LDB3: variants seen among roughly 807,000 people sequenced by gnomAD.
The protein encoded by LDB3 is LIM domain binding 3.
In LDB3, 49 loss-of-function variants were observed where a neutral mutation model predicts 69.0. That is an observed-to-expected ratio of 0.71 (90% CI 0.56 to 0.90). The LOEUF (loss-of-function observed/expected upper bound fraction) is 0.90, where lower values mean the gene tolerates loss of function less well. LDB3 is among the 40% of genes least tolerant of loss of function. LDB3 has a pLI of 0.00. For missense variants in LDB3, 928 were observed against 974.1 expected (o/e 0.95, Z 0.63); for synonymous variants, 387 against 396.2 (o/e 0.98, Z 0.28).
In LDB3 at chr10:86,707,830, G is replaced by C. The variant is rs1209475281; in HGVS notation, c.1085+1111G>C. 2.0e-5 allele frequency among the ~76,000 whole-genome samples: 3 copies of C among 152,228 alleles called. No individual in the cohort carries two copies. The East Asian group carries it at 5.8e-4, about 29-fold the overall frequency. ...AGCCCAACTCAAGCCTGAAGGAGGA[G>C]CCTGGCCCTCCAGGGATGGTTTCAT... On this transcript the variant is annotated intron_variant, in intron 8 of 13. Coordinates refer to ENST00000361373, the MANE Select transcript of LDB3 (RefSeq NM_007078.3).
In LDB3 at chr10:86,681,787, G is replaced by T; in HGVS notation, c.673G>T (p.Val225Phe). 6.3e-7 allele frequency: 1 copy of T among 1,596,824 alleles called. No individual in the cohort carries two copies. Among genetic ancestry groups the T allele is most frequent in the Non-Finnish European group, 8.5e-7 (1 of 1,172,010 alleles). Residue 225 changes from valine (V) to phenylalanine (F), a missense_variant, in exon 5 of 14, where the codon GTC becomes TTC. By Grantham distance (50) the Val-to-Phe change is conservative (BLOSUM62 -1). Transcript: ENST00000361373. ...QMSLRGKASGVGLPGGSLPIK... is the reference protein window; with the variant it reads ...QMSLRGKASGFGLPGGSLPIK... ...GAGCCTCCGAGGGAAGGCCTCGGGT[G>T]TCGGACTCCCAGGAGGGTAGGTAAC...
chr10:86,673,940 C>T (rs1476466523), intron 2 of LDB3, among the ~76,000 whole-genome samples: 3 of 152,166 alleles, frequency 2.0e-5, no homozygotes, highest in Non-Finnish European at 4.4e-5. Context: ...GGCATGGGTG[C>T]GTCTGAAGCC....
chr10:86,698,564 G>A (rs958296421), intron 7 of LDB3, among the ~76,000 whole-genome samples: 3 of 152,228 alleles, frequency 2.0e-5, no homozygotes, highest in Admixed American at 2.0e-4. Flanking sequence ...CAGCTGAGCA[G>A]GTGTGGCTTG....
chr10:86,672,100 G>A (rs11202120), intron 2 of LDB3, among the ~76,000 whole-genome samples: 37,611 of 151,998 alleles, frequency 0.25, 5,541 homozygotes, highest in South Asian at 0.42. Flanking sequence ...GGCAGAGTGA[G>A]ACTCCATCTT....
chr10:86,689,008 C>T (rs779553600), intron 5 of LDB3, among the ~76,000 whole-genome samples: 2 of 151,766 alleles, frequency 1.3e-5, no homozygotes, highest in Admixed American at 6.6e-5. Context: ...TTCCTTTTAA[C>T]GCAGCCACGC....
rs1222755412 is a variant in LDB3 at position 86,668,794 on chromosome 10, C to T, written c.93+10C>T. 11 of 1,607,720 alleles carry T rather than the reference C, an allele frequency of 6.8e-6. No individual in the cohort carries two copies. The Admixed American group carries it at 1.8e-4, about 27-fold the overall frequency. On this transcript the variant is annotated intron_variant, in intron 2 of 13. Coordinates refer to ENST00000361373, the MANE Select transcript of LDB3 (RefSeq NM_007078.3). ...CCTCACTATCTCCCGGGTGAGTGCACCCTGCCACAGCCTGGCACCCGATGG... is the reference window on the plus strand; with the variant it reads ...CCTCACTATCTCCCGGGTGAGTGCATCCTGCCACAGCCTGGCACCCGATGG...
chr10:86,691,856 C>G (rs1247952989), intron 5 of LDB3, 40 bp from the exon 6 acceptor site: 2 of 1,611,358 alleles, frequency 1.2e-6, no homozygotes, highest in Admixed American at 3.3e-5. Flanking sequence ...GAACTGGGCT[C>G]CAGCCTAGCC....
At chr10:86,667,395 T>A (rs1844223586), upstream of LDB3, among the ~76,000 whole-genome samples, 2 of 152,044 alleles carry the variant, frequency 1.3e-5, no homozygotes, top group Admixed American at 6.6e-5. Flanking sequence ...CCTTGATCTA[T>A]CTCCAGACCA....
chr10:86,674,087 A>T (rs1184658902), intron 2 of LDB3, among the ~76,000 whole-genome samples: 1 of 152,102 alleles, frequency 6.6e-6, no homozygotes, highest in Non-Finnish European at 1.5e-5. Context: ...ACCCTCTGCC[A>T]GCTGTGGATC....
Position 86,706,650 on chromosome 10 carries a change from C to G in LDB3, c.1016C>G (p.Ala339Gly), listed in dbSNP as rs764530865. The G allele has an allele frequency of 2.5e-6, 4 of 1,613,062 alleles. No homozygotes were observed. The African/African-American group carries it at 4.0e-5, about 16-fold the overall frequency. Residue 339 changes from alanine to glycine, a missense_variant, in exon 8 of 14, where the codon GCT (alanine) becomes GGT (glycine). Physicochemically the swap from Ala to Gly is moderately conservative, Grantham distance 60. Transcript: ENST00000361373. ...GCGGCTTCGCCACCCCTGGCCACAGCTGCTGCCCACACTGCCATCGCCTCC... is the reference window on the plus strand; with the variant it reads ...GCGGCTTCGCCACCCCTGGCCACAGGTGCTGCCCACACTGCCATCGCCTCC... ...PSAASPPLAT[A>G]AAHTAIASAS...
At chr10:86,687,961 C>T (rs544394964) in intron 5 of LDB3, among the ~76,000 whole-genome samples, 43 of 152,234 alleles carry the variant, frequency 2.8e-4, no homozygotes, top group African/African-American at 9.9e-4. Flanking sequence ...AGACCTCTCT[C>T]TGCGTGTCTC....
chr10:86,682,200 C>G (rs1173057691), intron 5 of LDB3, among the ~76,000 whole-genome samples: 1 of 152,196 alleles, frequency 6.6e-6, no homozygotes, highest in Non-Finnish European at 1.5e-5. Context: ...GGTCCCCACC[C>G]CTCTGGGAGC....
At position 86,732,049 on chromosome 10, in the gene LDB3, T is replaced by C. The variant is rs143855161; in HGVS notation, c.2095-838T>C. On this transcript the variant is annotated intron_variant, in intron 13 of 13. Coordinates refer to ENST00000361373, the MANE Select transcript of LDB3 (RefSeq NM_007078.3). The stretch of plus-strand genomic sequence containing the variant: ...TGGTAGAGACAGAGGCTCACTATGT[T>C]GCCCAGGCTGGTCTCAAACACCTGG... Among the ~76,000 whole-genome samples the C allele has an allele frequency of 3.3e-3, 490 of 150,456 alleles. 1 individual carries two copies. The highest frequency in any genetic ancestry group is 0.011 in the African/African-American group (462 of 40,922).
Position 86,668,659 on chromosome 10 carries a change from T to C in LDB3, c.-23-10T>C. The C allele has an allele frequency of 1.3e-6, 2 of 1,555,708 alleles. No homozygotes were observed. Among genetic ancestry groups the C allele is most frequent in the Non-Finnish European group, 1.8e-6 (2 of 1,127,740 alleles). On this transcript the variant is annotated splice_polypyrimidine_tract_variant and intron_variant, in intron 1 of 13. Transcript: ENST00000361373. The stretch of plus-strand genomic sequence containing the variant: ...CCTCTCACTCAACCCTCTCTACCCT[T>C]TGTCTGCAGAGGCGGCCGCTGACAG...
At chr10:86,720,930 C>T (rs1176949513) in intron 12 of LDB3, among the ~76,000 whole-genome samples, 1 of 152,206 alleles carries the variant, frequency 6.6e-6, no homozygotes, top group African/African-American at 2.4e-5. Flanking sequence ...CCTCCCACCT[C>T]AGCCTGTAGA....
At chr10:86,730,981 T>C (rs1054583382) in intron 13 of LDB3, among the ~76,000 whole-genome samples, 1 of 151,746 alleles carries the variant, frequency 6.6e-6, no homozygotes, top group African/African-American at 2.4e-5. Flanking sequence ...GGTGAAACCC[T>C]GTCTCTACTA....
At chr10:86,681,880 G>A (rs1165517568) in intron 5 of LDB3, 77 bp downstream of exon 5, 13 of 1,446,712 alleles carry the variant, frequency 9.0e-6, no homozygotes, top group Non-Finnish European at 1.0e-5. Context: ...GACCTGGTCA[G>A]GTGGTCAGAG....
At chr10:86,715,753 C>T (rs954206855) in intron 9 of LDB3, among the ~76,000 whole-genome samples, 5 of 151,892 alleles carry the variant, frequency 3.3e-5, no homozygotes, top group Non-Finnish European at 5.9e-5. Context: ...GACGGAATTG[C>T]CCCCCAATAC....
intron 7 of LDB3, among the ~76,000 whole-genome samples, chr10:86,700,533 C>T (rs1846219536): frequency 6.6e-6 from 1 of 152,160 alleles, no homozygotes; most frequent in Non-Finnish European, 1.5e-5. Context: ...GGGGCCAGGG[C>T]TGGGGCTCAG....
Sources: allele counts gnomAD v4.1 joint callset (sites outside exome capture counted in the v4.1 genomes callset), GRCh38; gene constraint gnomAD v4.1.1; transcripts MANE v1.5; gene names NCBI Gene and HGNC (gene_info 2026-07-23, HGNC 2026-07-21).